The following COL11A1 variants were observed in gnomAD, a reference collection of about 807,000 sequenced individuals.
COL11A1 encodes collagen alpha-1(XI) chain.
COL11A1 carries 74 observed loss-of-function variants against 265.2 expected under a neutral mutation model. That is an observed-to-expected ratio of 0.28 (90% CI 0.23 to 0.34). COL11A1 has a LOEUF of 0.34. COL11A1 is among the 10% of genes least tolerant of loss of function. The pLI is 1.00. For synonymous variants in COL11A1, 816 were observed against 727.6 expected, an observed-to-expected ratio of 1.12 and a Z score of -1.96; for missense variants, 2,165 against 2,263.6, an observed-to-expected ratio of 0.96 and a Z score of 0.88.
intron 47 of COL11A1, among the ~76,000 whole-genome samples, chr1:102,922,459 C>T (rs967505094): frequency 1.3e-5 from 2 of 152,106 alleles, no homozygotes; most frequent in African/African-American, 4.8e-5. Context: ...TGCAGTGGCG[C>T]GATCTCGGCT....
intron 46 of COL11A1, among the ~76,000 whole-genome samples, chr1:102,924,990 T>C: frequency 6.6e-6 from 1 of 151,850 alleles, no homozygotes; most frequent in East Asian, 1.9e-4. Flanking sequence ...ATTATTTATA[T>C]ATTAATACAT....
intron 4 of COL11A1, among the ~76,000 whole-genome samples, chr1:103,035,303 T>C (rs896921403): frequency 6.6e-6 from 1 of 152,088 alleles, no homozygotes; most frequent in Non-Finnish European, 1.5e-5. Context: ...TTTTGATCCA[T>C]ATTTTGACAT....
At chr1:103,017,713 C>A in intron 11 of COL11A1, 107 bp downstream of exon 11, 1 of 939,636 alleles carries the variant, frequency 1.1e-6, no homozygotes, top group Non-Finnish European at 1.8e-6. Context: ...CTGCCTTTAC[C>A]CCTCCCACAC....
At chr1:103,002,533 T>G (rs1466207856) in intron 22 of COL11A1, 52 bp from the exon 23 acceptor site, 2 of 1,478,328 alleles carry the variant, frequency 1.4e-6, no homozygotes, top group Non-Finnish European at 1.9e-6. Flanking sequence ...ACACAATAGA[T>G]TTTTGTTCTT....
At chr1:102,981,404 G>GA (rs397801050) in intron 31 of COL11A1, among the ~76,000 whole-genome samples, 2 of 150,998 alleles carry the variant, frequency 1.3e-5, no homozygotes, top group Non-Finnish European at 3.0e-5. Flanking sequence ...TGAGGGGGGG[G>GA]ACAAATATTC....
intron 4 of COL11A1, among the ~76,000 whole-genome samples, chr1:103,065,389 A>G (rs555801746): frequency 5.5e-4 from 84 of 151,818 alleles, no homozygotes; most frequent in East Asian, 4.1e-3. Context: ...GCGTGTTGGC[A>G]GGCGCCTGTA....
chr1:102,888,460 A>G (rs1317211648), intron 62 of COL11A1, 117 bp downstream of exon 62: 3 of 923,514 alleles, frequency 3.2e-6, no homozygotes, highest in South Asian at 1.4e-5. Context: ...AATGTTTCCT[A>G]TAAAATCAGC....
intron 5 of COL11A1, 144 bp downstream of exon 5, chr1:103,030,972 C>CT: frequency 9.3e-7 from 1 of 1,071,076 alleles, no homozygotes; most frequent in South Asian, 1.4e-5. Context: ...ATTCAAGTCA[C>CT]TTTTTCCTGG....
chr1:102,956,798 T>G (rs998952778), intron 41 of COL11A1, among the ~76,000 whole-genome samples: 2 of 151,850 alleles, frequency 1.3e-5, no homozygotes, highest in African/African-American at 4.8e-5. Flanking sequence ...AAACATTATC[T>G]TCTGTACCGT....
intron 14 of COL11A1, among the ~76,000 whole-genome samples, chr1:103,010,468 T>G (rs1029938043): frequency 6.6e-6 from 1 of 152,146 alleles, no homozygotes; most frequent in Admixed American, 6.6e-5. Flanking sequence ...CCTATGACTT[T>G]GAGAATGTGT....
In COL11A1 at chr1:103,075,128, G is replaced by A. The variant is rs3753840; in HGVS notation, c.489-348C>T. On this transcript the variant is annotated intron_variant, in intron 3 of 66. Coordinates refer to ENST00000370096, the MANE Select transcript of COL11A1 (RefSeq NM_001854.4). Reference sequence around the variant, plus strand: ...GATAGAGATTAGGGTGGGATATGGGGTAAGTAATAGTTTCCAAGTACATAA... The same window carrying A: ...GATAGAGATTAGGGTGGGATATGGGATAAGTAATAGTTTCCAAGTACATAA... Among the ~76,000 whole-genome samples the A allele has an allele frequency of 7.9e-5, 12 of 152,184 alleles. No homozygotes were observed. In the East Asian group the frequency reaches 2.3e-3, roughly 30 times the overall value.
At chr1:103,088,017 A>G (rs997129782) in intron 1 of COL11A1, among the ~76,000 whole-genome samples, 4 of 152,086 alleles carry the variant, frequency 2.6e-5, no homozygotes, top group Admixed American at 2.6e-4. Context: ...TAGTCTATTG[A>G]CCTCTTAAAC....
Position 103,067,740 on chromosome 1 carries a change from T to G in COL11A1, c.651+6878A>C, listed in dbSNP as rs148006570. 5.3e-3 allele frequency among the ~76,000 whole-genome samples: 811 copies of G among 151,606 alleles called. 10 individuals carry two copies. Among genetic ancestry groups the G allele is most frequent in the African/African-American group, 0.018 (766 of 41,492 alleles). ...TGATCTGGGGGGAAAATACAAATTA[T>G]TAATATAAAGAATAAAAAGTAGTTT... On this transcript the variant is annotated intron_variant, in intron 4 of 66. Coordinates refer to ENST00000370096, the MANE Select transcript of COL11A1 (RefSeq NM_001854.4).
chr1:102,962,873 C>G, intron 38 of COL11A1, 113 bp from the exon 39 acceptor site: 1 of 916,866 alleles, frequency 1.1e-6, no homozygotes, highest in Non-Finnish European at 1.7e-6. Flanking sequence ...CTCACTTATT[C>G]TCATGATGTC....
chr1:102,889,673 T>C (rs1651499170), intron 58 of COL11A1, 111 bp from the exon 59 acceptor site: 3 of 789,328 alleles, frequency 3.8e-6, no homozygotes, highest in South Asian at 3.1e-5. Flanking sequence ...TGAACAATGC[T>C]GATAAAACAA....
At chr1:103,030,075 A>G (rs919918918) in intron 5 of COL11A1, among the ~76,000 whole-genome samples, 4 of 152,102 alleles carry the variant, frequency 2.6e-5, no homozygotes, top group Non-Finnish European at 4.4e-5. Flanking sequence ...TAATTATTTT[A>G]TCTATCACTT....
chr1:103,095,797 G>C (rs1372769258), intron 1 of COL11A1, among the ~76,000 whole-genome samples: 1 of 151,866 alleles, frequency 6.6e-6, no homozygotes, highest in African/African-American at 2.4e-5. Context: ...AAAGATAGCT[G>C]AACTTCAGAT....
At chr1:102,930,506 G>T (rs1487928234) in intron 46 of COL11A1, among the ~76,000 whole-genome samples, 1 of 151,900 alleles carries the variant, frequency 6.6e-6, no homozygotes, top group East Asian at 1.9e-4. Flanking sequence ...GTATTTTATT[G>T]AGGATTTTTG....
chr1:103,002,778 A>G lies in COL11A1; in HGVS notation c.2012T>C (p.Val671Ala), dbSNP rs776277117. 1 of 1,612,130 alleles carries G rather than the reference A, an allele frequency of 6.2e-7. No homozygotes were observed. Among genetic ancestry groups the G allele is most frequent in the Non-Finnish European group, 8.5e-7 (1 of 1,178,960 alleles). The stretch of plus-strand genomic sequence containing the variant: ...CCCTTTTGGTCCTGGGGGGCCATCT[A>G]CACCTGCCATACCCTGCAATGAAGA... ...GAPGQPGMAG[V>A]DGPPGPKGNM... Residue 671 changes from valine (V) to alanine (A), a missense_variant, in exon 22 of 67, where the codon GTA (valine) becomes GCA (alanine). Val to Ala is a moderately conservative substitution (Grantham distance 64). Coordinates refer to ENST00000370096, the MANE Select transcript of COL11A1 (RefSeq NM_001854.4).
Sources: gnomAD v4.1 joint callset for allele counts (sites outside exome capture counted in the v4.1 genomes callset) on GRCh38, gnomAD v4.1.1 for gene constraint, MANE v1.5 for transcripts, NCBI Gene and HGNC (gene_info 2026-07-23, HGNC 2026-07-21) for gene names.